Variants in SGO2 observed in about 807,000 individuals in gnomAD.
The protein encoded by SGO2 is shugoshin-like 2.
Under a neutral mutation model 99.5 loss-of-function variants are expected in SGO2, and 68 were observed. The observed-to-expected ratio is 0.68, with a 90% CI of 0.56 to 0.84. The LOEUF is 0.84. Ranked by LOEUF, SGO2 falls within the 40% of genes least tolerant of loss-of-function variation. SGO2 has a pLI of 0.00. For synonymous variants in SGO2, 457 were observed against 487.1 expected (o/e 0.94, Z 0.81); for missense variants, 1,350 against 1,436.7 (o/e 0.94, Z 0.97).
chr2:200,541,293 G>A (rs1267821410), intron 4 of SGO2, among the ~76,000 whole-genome samples: 4 of 152,280 alleles, frequency 2.6e-5, no homozygotes, highest in Middle Eastern at 3.4e-3. Context: ...TATCTCAGGA[G>A]GCAATGGTCC....
intron 5 of SGO2, among the ~76,000 whole-genome samples, chr2:200,556,047 C>T (rs1403285177): frequency 6.6e-6 from 1 of 152,198 alleles, no homozygotes; most frequent in Non-Finnish European, 1.5e-5. Context: ...TCACTACAAC[C>T]TCCACCTCCT....
At chr2:200,541,896 G>T (rs1017789816) in intron 4 of SGO2, among the ~76,000 whole-genome samples, 3 of 151,750 alleles carry the variant, frequency 2.0e-5, no homozygotes, top group South Asian at 4.1e-4. Context: ...TGATCTATTT[G>T]TCTTATCATT....
intron 5 of SGO2, among the ~76,000 whole-genome samples, chr2:200,559,336 G>C (rs2032848784): frequency 6.6e-6 from 1 of 151,652 alleles, no homozygotes; most frequent in Non-Finnish European, 1.5e-5. Flanking sequence ...TCTTAGTCTT[G>C]CTCTAGAGGT....
At chr2:200,561,445 G>A (rs2032962380) in intron 5 of SGO2, among the ~76,000 whole-genome samples, 1 of 152,156 alleles carries the variant, frequency 6.6e-6, no homozygotes, top group Non-Finnish European at 1.5e-5. Flanking sequence ...GTCTATCATT[G>A]TTGGACATTT....
At chr2:200,576,103 C>T (rs1442320092) in intron 8 of SGO2, 2 of 390,140 alleles carry the variant, frequency 5.1e-6, no homozygotes, top group Non-Finnish European at 1.0e-5. Flanking sequence ...ACAATGATCA[C>T]ATCTAACAAA....
At chr2:200,574,688 A>C (rs1032339067) in intron 7 of SGO2, among the ~76,000 whole-genome samples, 1 of 152,084 alleles carries the variant, frequency 6.6e-6, no homozygotes, top group Non-Finnish European at 1.5e-5. Flanking sequence ...CAAAAAAATC[A>C]AAAGTAGAGA....
intron 2 of SGO2, among the ~76,000 whole-genome samples, chr2:200,533,691 C>G (rs1475100065): frequency 6.6e-6 from 1 of 151,822 alleles, no homozygotes; most frequent in Non-Finnish European, 1.5e-5. Context: ...TTCATTACTT[C>G]TGAAAATTAT....
At chr2:200,579,983 A>G (rs958165992) in intron 8 of SGO2, among the ~76,000 whole-genome samples, 1 of 152,164 alleles carries the variant, frequency 6.6e-6, no homozygotes, top group African/African-American at 2.4e-5. Context: ...ATATAATTTT[A>G]GAACAGTGGG....
intron 5 of SGO2, among the ~76,000 whole-genome samples, chr2:200,559,770 T>C (rs1336470581): frequency 6.6e-6 from 1 of 152,194 alleles, no homozygotes; most frequent in Non-Finnish European, 1.5e-5. Flanking sequence ...GTTCAAGATT[T>C]TTTTTCCTGA....
chr2:200,537,229 T>C (rs972901487), intron 4 of SGO2, among the ~76,000 whole-genome samples: 3 of 152,124 alleles, frequency 2.0e-5, no homozygotes, highest in African/African-American at 7.2e-5. Flanking sequence ...CCCTCTTGCA[T>C]CATTAATTTT....
chr2:200,541,579 AT>A (rs1308891314), intron 4 of SGO2, among the ~76,000 whole-genome samples: 1 of 151,958 alleles, frequency 6.6e-6, no homozygotes, highest in African/African-American at 2.4e-5. Context: ...AATAAACTTT[AT>A]TTTTTTCCTG....
chr2:200,554,191 G>A (rs2032609407), intron 5 of SGO2, among the ~76,000 whole-genome samples: 1 of 152,100 alleles, frequency 6.6e-6, no homozygotes, highest in African/African-American at 2.4e-5. Flanking sequence ...GTTCACAGGA[G>A]TATACTGTAC....
chr2:200,571,213 T>A lies in SGO2; in HGVS notation c.867T>A (p.Thr289=), dbSNP rs537281161. The change falls in exon 7 of 9, where the codon ACT becomes ACA. Residue 289 remains threonine (T), a synonymous_variant. Coordinates refer to ENST00000357799, the MANE Select transcript of SGO2 (RefSeq NM_152524.6). ...AATCAAATAATCTTTCTGCAGACAC[T>A]CCCTGTGCAACAGTTTTAGATAAAC... is the stretch of plus-strand genomic sequence containing the variant. ...SWESNNLSAD[T]PCATVLDKQH... is the part of the protein sequence containing the mutation. The A allele has an allele frequency of 1.9e-6, 3 of 1,613,624 alleles. No homozygotes were observed. The highest frequency in any genetic ancestry group is 3.3e-5 in the Admixed American group (2 of 59,982).
intron 1 of SGO2, among the ~76,000 whole-genome samples, chr2:200,529,457 A>G (rs1421447423): frequency 2.6e-5 from 4 of 152,170 alleles, no homozygotes; most frequent in African/African-American, 4.8e-5. Context: ...AATCTATAGT[A>G]TGTTAGATAG....
chr2:200,535,938 T>G (rs2031669010), intron 3 of SGO2, 127 bp from the exon 4 acceptor site: 1 of 504,932 alleles, frequency 2.0e-6, no homozygotes, highest in Admixed American at 3.2e-5. Context: ...TGATCTCAAT[T>G]TTTAGCTCAA....
Position 200,572,537 on chromosome 2 carries a change from A to G in SGO2, c.2191A>G (p.Asn731Asp). 1 of 1,612,278 alleles carries G rather than the reference A, an allele frequency of 6.2e-7. No homozygotes were observed. ...EIISEVNHLD[N>D]DKSIEYTVKS... ...AATTTCTGAAGTGAATCATTTAGAT[A>G]ATGACAAAAGTATAGAATACACAGT... is the stretch of plus-strand genomic sequence containing the variant. Residue 731 changes from asparagine to aspartate, a missense_variant, in exon 7 of 9, where the codon AAT becomes GAT. Transcript: ENST00000357799.
intron 3 of SGO2, among the ~76,000 whole-genome samples, chr2:200,535,434 A>G (rs2031647706): frequency 6.6e-6 from 1 of 152,194 alleles, no homozygotes. Flanking sequence ...ATCATAAACA[A>G]AGCTTGGTAC....
At chr2:200,577,635 G>A (rs756472981) in intron 8 of SGO2, among the ~76,000 whole-genome samples, 1 of 150,078 alleles carries the variant, frequency 6.7e-6, no homozygotes, top group Non-Finnish European at 1.5e-5. Flanking sequence ...GCATTTAGTT[G>A]TTGTTTCTCC....
intron 4 of SGO2, 104 bp downstream of exon 4, chr2:200,536,246 T>G (rs2031686674): frequency 3.2e-6 from 2 of 623,892 alleles, no homozygotes; most frequent in Non-Finnish European, 5.5e-6. Flanking sequence ...TCAAGTTTTG[T>G]GCAAAGGACT....
Sources: allele counts gnomAD v4.1 joint callset (sites outside exome capture counted in the v4.1 genomes callset), GRCh38; gene constraint gnomAD v4.1.1; transcripts MANE v1.5; gene names NCBI Gene and HGNC (gene_info 2026-07-23, HGNC 2026-07-21).